The following PRKG1 variants were observed in gnomAD, a reference collection of about 807,000 sequenced individuals.
The protein encoded by PRKG1 is protein kinase cGMP-dependent 1.
In PRKG1, 35 loss-of-function variants were observed where a neutral mutation model predicts 88.1. The observed-to-expected ratio is 0.40, with a 90% confidence interval of 0.30 to 0.53. PRKG1 has a LOEUF of 0.53. Among genes scored for constraint, PRKG1 ranks in the 20% least tolerant of loss-of-function variants. The pLI is 0.59. For synonymous variants in PRKG1, 303 were observed against 292.5 expected, an observed-to-expected ratio of 1.04 and a Z score of -0.37; for missense variants, 540 against 839.8, an observed-to-expected ratio of 0.64 and a Z score of 4.41.
chr10:51,683,213 C>T (rs183159612), intron 3 of PRKG1, among the ~76,000 whole-genome samples: 7 of 152,150 alleles, frequency 4.6e-5, no homozygotes, highest in African/African-American at 7.2e-5. Flanking sequence ...AGGCCAGGCA[C>T]GGTGGCTCGT....
At chr10:51,481,946 A>AT (rs955188071) in intron 3 of PRKG1, among the ~76,000 whole-genome samples, 27 of 151,676 alleles carry the variant, frequency 1.8e-4, no homozygotes, top group African/African-American at 6.5e-4. Flanking sequence ...CACCATGATA[A>AT]TTTTTTTTTA....
intron 5 of PRKG1, among the ~76,000 whole-genome samples, chr10:51,993,078 G>T (rs573869327): frequency 1.3e-5 from 2 of 152,172 alleles, no homozygotes; most frequent in African/African-American, 4.8e-5. Context: ...TTCATAAACT[G>T]TTCTTATAAT....
chr10:52,178,930 TG>T (rs952242185), intron 9 of PRKG1, among the ~76,000 whole-genome samples: 2 of 151,822 alleles, frequency 1.3e-5, no homozygotes, highest in African/African-American at 2.4e-5. Context: ...GGTTGGGTGT[TG>T]TTTTTTTTTT....
chr10:52,077,697 A>G (rs973482464), intron 7 of PRKG1, among the ~76,000 whole-genome samples: 3 of 152,116 alleles, frequency 2.0e-5, no homozygotes, highest in African/African-American at 4.8e-5. Flanking sequence ...GGAGGCTCAG[A>G]GTTCTCTATG....
chr10:51,388,180 A>T (rs984891703), intron 2 of PRKG1, among the ~76,000 whole-genome samples: 1 of 152,148 alleles, frequency 6.6e-6, no homozygotes, highest in East Asian at 1.9e-4. Flanking sequence ...GAATTGGGAC[A>T]CTTTCTTTTC....
chr10:52,130,743 A>C (rs1370714782), intron 7 of PRKG1, among the ~76,000 whole-genome samples: 1 of 152,208 alleles, frequency 6.6e-6, no homozygotes, highest in Admixed American at 6.5e-5. Context: ...TTTCCTGCCC[A>C]TTATGTTCAT....
chr10:51,299,368 G>A (rs1840812019), intron 2 of PRKG1, among the ~76,000 whole-genome samples: 1 of 152,000 alleles, frequency 6.6e-6, no homozygotes, highest in Admixed American at 6.6e-5. Context: ...ACCATGCCTG[G>A]CTAAGTTTTG....
chr10:52,048,242 T>G (rs1845909033), intron 5 of PRKG1, among the ~76,000 whole-genome samples: 1 of 152,042 alleles, frequency 6.6e-6, no homozygotes. Context: ...CATATTTTAT[T>G]GATGATCTAT....
intron 2 of PRKG1, among the ~76,000 whole-genome samples, chr10:51,228,899 C>T (rs1468386460): frequency 2.0e-5 from 3 of 152,204 alleles, no homozygotes; most frequent in African/African-American, 7.2e-5. Context: ...TGTATAACCA[C>T]GCTTTGCCCT....
chr10:52,164,719 T>A (rs1838383128), intron 9 of PRKG1, among the ~76,000 whole-genome samples: 1 of 152,188 alleles, frequency 6.6e-6, no homozygotes, highest in Non-Finnish European at 1.5e-5. Context: ...TGATAGATTA[T>A]AATATAGCCA....
chr10:51,081,847 C>T (rs373278630), intron 1 of PRKG1, among the ~76,000 whole-genome samples: 1 of 152,172 alleles, frequency 6.6e-6, no homozygotes, highest in Admixed American at 6.5e-5. Flanking sequence ...GCTTCAAACT[C>T]CTGGGCTCAA....
Position 51,943,865 on chromosome 10 carries a change from A to G in PRKG1, c.762+36295A>G, listed in dbSNP as rs149794744. Among the ~76,000 whole-genome samples, 1,115 of 152,084 alleles carry G rather than the reference A, an allele frequency of 7.3e-3. 24 individuals are homozygous for G. The highest frequency in any genetic ancestry group is 0.026 in the African/African-American group (1,088 of 41,364). On this transcript the variant is annotated intron_variant, in intron 5 of 17. Transcript: ENST00000373980. ...GCTGGATTCTGTTTGCCAGTATTTT[A>G]TTGAGGATTTTTGCCTCAATGTTCA...
At chr10:51,714,334 C>T (rs576797420) in intron 3 of PRKG1, among the ~76,000 whole-genome samples, 1 of 152,206 alleles carries the variant, frequency 6.6e-6, no homozygotes, top group Non-Finnish European at 1.5e-5. Context: ...GACCATAGTT[C>T]TCTTTGTAGA....
At chr10:51,531,798 CTGT>C (rs1842024632) in intron 3 of PRKG1, among the ~76,000 whole-genome samples, 13 of 151,790 alleles carry the variant, frequency 8.6e-5, no homozygotes, top group African/African-American at 3.1e-4. Flanking sequence ...GCTCCCGACA[CTGT>C]GCCCGGCTAA....
intron 3 of PRKG1, among the ~76,000 whole-genome samples, chr10:51,533,609 A>G (rs1842070285): frequency 2.1e-5 from 2 of 96,402 alleles, no homozygotes; most frequent in South Asian, 8.1e-4. Flanking sequence ...CAATTCAACT[A>G]AAAGCTTTAA....
chr10:51,491,354 G>A (rs1840704018), intron 3 of PRKG1, among the ~76,000 whole-genome samples: 1 of 152,060 alleles, frequency 6.6e-6, no homozygotes, highest in African/African-American at 2.4e-5. Flanking sequence ...TATTAAGCAT[G>A]GCAGATACCT....
chr10:51,567,575 G>A (rs1001194236), intron 3 of PRKG1, among the ~76,000 whole-genome samples: 1 of 151,998 alleles, frequency 6.6e-6, no homozygotes, highest in African/African-American at 2.4e-5. Flanking sequence ...GCAATTAACT[G>A]GTTATTTTTA....
intron 1 of PRKG1, among the ~76,000 whole-genome samples, chr10:51,018,446 G>T (rs1339614195): frequency 6.6e-6 from 1 of 152,118 alleles, no homozygotes. Flanking sequence ...GCCTTGGAGA[G>T]GTTAAATAAT....
chr10:51,493,942 G>A (rs952727091), intron 3 of PRKG1, among the ~76,000 whole-genome samples: 6 of 152,188 alleles, frequency 3.9e-5, no homozygotes, highest in African/African-American at 1.4e-4. Flanking sequence ...CAGGTTCTTA[G>A]GCATGGGCAA....
Sources: gnomAD v4.1 joint callset for allele counts (sites outside exome capture counted in the v4.1 genomes callset) on GRCh38, gnomAD v4.1.1 for gene constraint, MANE v1.5 for transcripts, NCBI Gene and HGNC (gene_info 2026-07-23, HGNC 2026-07-21) for gene names.